Variants in BCLAF3 observed in about 807,000 individuals in gnomAD.
BCLAF3 encodes transient octamer binding factor 1.
A neutral mutation model predicts 51.2 loss-of-function variants in BCLAF3; 24 were observed. That is an observed-to-expected ratio of 0.47 (90% CI 0.34 to 0.66). The LOEUF (loss-of-function observed/expected upper bound fraction) is 0.66, where lower values mean the gene tolerates loss of function less well. Among genes scored for constraint, BCLAF3 ranks in the 30% least tolerant of loss-of-function variants. The probability of loss-of-function intolerance (pLI) is 0.01; values close to 1 mark genes in which losing one functional copy is unlikely to be tolerated. For synonymous variants in BCLAF3, 152 were observed against 176.6 expected (o/e 0.86, Z 1.10); for missense variants, 465 against 525.1 (o/e 0.89, Z 1.12).
At chrX:19,918,072 C>T (rs963738721) in intron 11 of BCLAF3, 1 of 111,450 alleles carries the variant, frequency 9.0e-6, no homozygotes, top group Non-Finnish European at 1.9e-5. Context: ...ATATCCTTAC[C>T]TTTCACTAGG....
chrX:19,940,798 G>A (rs1270291100), intron 8 of BCLAF3, among the ~76,000 whole-genome samples: 1 of 111,159 alleles, frequency 9.0e-6, no homozygotes, highest in Non-Finnish European at 1.9e-5. Context: ...TAATGGGTTG[G>A]CTGGGTCAAA....
intron 1 of BCLAF3, among the ~76,000 whole-genome samples, chrX:19,974,306 T>C (rs2072348580): frequency 8.9e-6 from 1 of 112,122 alleles, no homozygotes; most frequent in African/African-American, 3.2e-5. Flanking sequence ...TGCAGGAATA[T>C]ACACTGGAGT....
chrX:19,922,782 AC>A (rs1167960474), intron 11 of BCLAF3, among the ~76,000 whole-genome samples: 1 of 110,475 alleles, frequency 9.1e-6, no homozygotes, highest in Non-Finnish European at 1.9e-5. Flanking sequence ...CGCCTGTTGT[AC>A]CAGCTACTTG....
At position 19,953,021 on chromosome X, in the gene BCLAF3, C is replaced by G; in HGVS notation, c.1596G>C (p.Gln532His). Reference sequence around the variant, plus strand: ...ATTCATAGATCACAGCTTGTTTACTCTGAAGCTCGGCCAAAGACATATCTA... The same window carrying G: ...ATTCATAGATCACAGCTTGTTTACTGTGAAGCTCGGCCAAAGACATATCTA... ...RRIDMSLAEL[Q>H]SKQAVIYESE... The change falls in exon 7 of 12, where the codon CAG becomes CAC. Residue 532 changes from glutamine to histidine, a missense_variant. Gln to His is a conservative substitution (Grantham distance 24). Coordinates refer to ENST00000379682, the MANE Select transcript of BCLAF3 (RefSeq NM_001367774.2). 2 of 1,208,145 alleles carry G rather than the reference C, an allele frequency of 1.7e-6. No individual in the cohort carries two copies. The highest frequency in any genetic ancestry group is 2.2e-6 in the Non-Finnish European group (2 of 893,275).
chrX:19,968,672 C>A (rs1490477139), intron 2 of BCLAF3, among the ~76,000 whole-genome samples: 3 of 112,901 alleles, frequency 2.7e-5, no homozygotes, highest in Non-Finnish European at 5.6e-5. Flanking sequence ...CTGTGGCAGG[C>A]TAATAATGTG....
intron 1 of BCLAF3, among the ~76,000 whole-genome samples, chrX:19,972,480 A>G (rs762371175): frequency 8.9e-6 from 1 of 112,529 alleles, no homozygotes; most frequent in African/African-American, 3.2e-5. Flanking sequence ...TCCATTTTTA[A>G]AAACAAAACA....
chrX:19,987,799 C>T (rs993881124), intron 1 of BCLAF3, among the ~76,000 whole-genome samples: 3 of 112,058 alleles, frequency 2.7e-5, no homozygotes, highest in African/African-American at 6.5e-5. Context: ...GTGTTGTACA[C>T]GTACTATGTC....
Position 19,955,455 on chromosome X carries a change from A to G in BCLAF3, c.1386T>C (p.Asn462=). The G allele has an allele frequency of 1.7e-6, 2 of 1,203,939 alleles. No homozygotes were observed. Among genetic ancestry groups the G allele is most frequent in the Non-Finnish European group, 1.1e-6 (1 of 892,309 alleles). The part of the protein sequence containing the change: ...PVFEHLDSTQ[N]TENKPTGEFA... ...ATTCTCCTGTAGGTTTGTTTTCAGT[A>G]TTCTGAGTTGAGTCAAGATGTTCAA... The change falls in exon 5 of 12, where the codon AAT becomes AAC. Residue 462 remains asparagine (N), a synonymous_variant. Coordinates refer to ENST00000379682, the MANE Select transcript of BCLAF3 (RefSeq NM_001367774.2).
chrX:19,957,149 A>G (rs2071694539), intron 4 of BCLAF3, among the ~76,000 whole-genome samples: 2 of 111,893 alleles, frequency 1.8e-5, no homozygotes, highest in Admixed American at 1.9e-4. Context: ...AAAAGTAATC[A>G]TGCAGCAGGT....
chrX:19,984,225 T>C lies in BCLAF3; in HGVS notation c.-35+6683A>G, dbSNP rs747263632. Among the ~76,000 whole-genome samples, 4 of 110,516 alleles carry C rather than the reference T, an allele frequency of 3.6e-5. No individual in the cohort carries two copies. The South Asian group carries it at 1.5e-3, about 42-fold the overall frequency. On this transcript the variant is annotated intron_variant, in intron 1 of 11. Transcript: ENST00000379682. ...ACAATGAAGATATAACATATAAATATATGTATTTATATAAACATAACACAG... is the reference window on the plus strand; with the variant it reads ...ACAATGAAGATATAACATATAAATACATGTATTTATATAAACATAACACAG...
At chrX:19,920,132 T>C (rs5955864) in intron 11 of BCLAF3, among the ~76,000 whole-genome samples, 40,597 of 110,544 alleles carry the variant, frequency 0.37, 9,125 homozygotes, top group African/African-American at 0.85. Context: ...TAGAAACTCT[T>C]GGTACTGAGA....
At chrX:19,974,959 A>G (rs1743952935) in intron 1 of BCLAF3, among the ~76,000 whole-genome samples, 1 of 112,309 alleles carries the variant, frequency 8.9e-6, no homozygotes, top group Admixed American at 9.5e-5. Flanking sequence ...ATTATACCTC[A>G]AAGCTGTAAA....
chrX:19,966,141 A>G lies in BCLAF3; in HGVS notation c.550T>C (p.Tyr184His), dbSNP rs1223046939. Reference sequence around the variant, plus strand: ...GAGCCTCTTCTAGTTGACTGGGAGTATTTTTCTTCTTGTATCCTCTGGTGC... The same window carrying G: ...GAGCCTCTTCTAGTTGACTGGGAGTGTTTTTCTTCTTGTATCCTCTGGTGC... ...LRHQRIQEEK[Y>H]SQSTRRGSED... Residue 184 changes from tyrosine (Y) to histidine (H), a missense_variant, in exon 3 of 12, where the codon TAC (tyrosine) becomes CAC (histidine). Physicochemically the swap from Tyr to His is moderately conservative, Grantham distance 83 (BLOSUM62 2). Transcript: ENST00000379682. 1.7e-6 allele frequency: 2 copies of G among 1,211,111 alleles called. No individual in the cohort carries two copies. The highest frequency in any genetic ancestry group is 3.0e-5 in the East Asian group (1 of 33,808).
intron 5 of BCLAF3, chrX:19,954,122 T>C: frequency 1.3e-6 from 1 of 754,334 alleles, no homozygotes; most frequent in Non-Finnish European, 1.6e-6. Context: ...TTTCTTTCTA[T>C]CTGACACGCC....
Position 19,979,292 on chromosome X carries a change from A to T in BCLAF3, c.-34-8994T>A, listed in dbSNP as rs1370137779. On this transcript the variant is annotated intron_variant, in intron 1 of 11. Coordinates refer to ENST00000379682, the MANE Select transcript of BCLAF3 (RefSeq NM_001367774.2). ...AAAAAAAATTGCCTTAGCTACCCCA[A>T]CCTTCAACAACCAACCCCTGATCAG... 8.2e-5 allele frequency among the ~76,000 whole-genome samples: 9 copies of T among 110,026 alleles called. No individual in the cohort carries two copies. The Admixed American group carries it at 8.8e-4, about 11-fold the overall frequency.
chrX:19,935,502 G>C (rs149218150), intron 10 of BCLAF3: 3 of 218,942 alleles, frequency 1.4e-5, no homozygotes, highest in Non-Finnish European at 2.5e-5. Flanking sequence ...TTAAAGGGAG[G>C]GTCTGCAGCC....
At chrX:19,953,177 AC>A in intron 6 of BCLAF3, 126 bp from the exon 7 acceptor site, 1 of 514,826 alleles carries the variant, frequency 1.9e-6, no homozygotes, top group Non-Finnish European at 3.2e-6. Flanking sequence ...GAAACTTGCT[AC>A]CAGATAGTTT....
intron 8 of BCLAF3, among the ~76,000 whole-genome samples, chrX:19,939,317 C>G (rs1412626850): frequency 1.8e-5 from 2 of 111,933 alleles, no homozygotes; most frequent in African/African-American, 6.5e-5. Flanking sequence ...GTGTGTATGA[C>G]TACTTCTACA....
intron 1 of BCLAF3, among the ~76,000 whole-genome samples, chrX:19,973,364 G>A (rs1394671708): frequency 9.0e-6 from 1 of 111,600 alleles, no homozygotes; most frequent in African/African-American, 3.3e-5. Context: ...TGTACACTAA[G>A]ATGTTTGTAT....
Sources: gnomAD v4.1 joint callset for allele counts (sites outside exome capture counted in the v4.1 genomes callset) on GRCh38, gnomAD v4.1.1 for gene constraint, MANE v1.5 for transcripts, NCBI Gene and HGNC (gene_info 2026-07-23, HGNC 2026-07-21) for gene names.